Variants in SPOCK1 observed in about 807,000 individuals in gnomAD.
SPOCK1 encodes the protein SPARC (osteonectin), cwcv and kazal like domains proteoglycan 1.
Under a neutral mutation model 55.3 loss-of-function variants are expected in SPOCK1, and 23 were observed. That is an observed-to-expected ratio of 0.42 (90% CI 0.30 to 0.59). The LOEUF is 0.59. Among genes scored for constraint, SPOCK1 ranks in the 20% least tolerant of loss-of-function variants. The probability of loss-of-function intolerance (pLI) is 0.22; values close to 1 mark genes in which losing one functional copy is unlikely to be tolerated. For missense variants in SPOCK1, 499 were observed against 552.5 expected, an observed-to-expected ratio of 0.90 and a Z score of 0.97; for synonymous variants, 226 against 221.0, an observed-to-expected ratio of 1.02 and a Z score of -0.20.
intron 6 of SPOCK1, among the ~76,000 whole-genome samples, chr5:137,010,090 T>G (rs892232565): frequency 6.6e-6 from 1 of 152,080 alleles, no homozygotes; most frequent in African/African-American, 2.4e-5. Context: ...GCCCTATTCA[T>G]GCAGTTCTAC....
chr5:137,253,937 A>T (rs919339735), intron 3 of SPOCK1, among the ~76,000 whole-genome samples: 1 of 152,218 alleles, frequency 6.6e-6, no homozygotes, highest in Non-Finnish European at 1.5e-5. Context: ...CCTGCTTTTA[A>T]AACTATTCAT....
Position 137,050,565 on chromosome 5 carries a change from G to A in SPOCK1, c.589+17150C>T, listed in dbSNP as rs540538475. Among the ~76,000 whole-genome samples, 241 of 151,506 alleles carry A rather than the reference G, an allele frequency of 1.6e-3. 2 individuals are homozygous for A. Among genetic ancestry groups the A allele is most frequent in the African/African-American group, 5.4e-3 (223 of 41,368 alleles). Reference sequence around the variant, plus strand: ...TGGCACTCCCTAGTGAGATGAACCCGGTACCTCAGATGGAAATGCAGAAAT... The same window carrying A: ...TGGCACTCCCTAGTGAGATGAACCCAGTACCTCAGATGGAAATGCAGAAAT... On this transcript the variant is annotated intron_variant, in intron 6 of 10. Coordinates refer to ENST00000394945, the MANE Select transcript of SPOCK1 (RefSeq NM_004598.4).
chr5:137,291,747 C>T (rs1011328537), intron 2 of SPOCK1, among the ~76,000 whole-genome samples: 5 of 152,208 alleles, frequency 3.3e-5, no homozygotes, highest in African/African-American at 1.2e-4. Context: ...ATCTGTCCCA[C>T]AGGCTTCCCC....
At chr5:136,981,544 G>A (rs1750730279) in intron 9 of SPOCK1, among the ~76,000 whole-genome samples, 1 of 152,068 alleles carries the variant, frequency 6.6e-6, no homozygotes, top group Non-Finnish European at 1.5e-5. Flanking sequence ...TAGATATTTT[G>A]TAGATTTTTC....
chr5:137,117,300 T>C (rs1753606822), intron 4 of SPOCK1, among the ~76,000 whole-genome samples: 1 of 152,262 alleles, frequency 6.6e-6, no homozygotes, highest in Non-Finnish European at 1.5e-5. Flanking sequence ...GTCTATTCCT[T>C]GTTCAAGCTT....
In SPOCK1 at chr5:136,985,145, A is replaced by G. The variant is rs907671863; in HGVS notation, c.986T>C (p.Leu329Pro). 3.1e-6 allele frequency: 5 copies of G among 1,614,162 alleles called. No individual in the cohort carries two copies. Among genetic ancestry groups the G allele is most frequent in the Non-Finnish European group, 4.2e-6 (5 of 1,179,976 alleles). ...TGGCAAGAAATTGTACTTACCCAAC[A>G]GGCTTTTCCCCTTACTCAGCTTCTG... ...RIQKLSKGKS[L>P]LGAFIPRCNE... The change falls in exon 9 of 11, where the codon CTG becomes CCG. Residue 329 changes from leucine (L) to proline (P), a missense_variant. By Grantham distance (98) the Leu-to-Pro change is moderately conservative (BLOSUM62 -3). Coordinates refer to ENST00000394945, the MANE Select transcript of SPOCK1 (RefSeq NM_004598.4).
In SPOCK1 at chr5:137,085,643, G is replaced by T. The variant is rs1166804069; in HGVS notation, c.475-17814C>A. The stretch of plus-strand genomic sequence containing the variant: ...ACACCCATAACAAAGGAAAAGCCCA[G>T]CTCCACTCCCGGTCAGTCATTCCTG... On this transcript the variant is annotated intron_variant, in intron 5 of 10. Coordinates refer to ENST00000394945, the MANE Select transcript of SPOCK1 (RefSeq NM_004598.4). Among the ~76,000 whole-genome samples, 5 of 152,328 alleles carry T rather than the reference G, an allele frequency of 3.3e-5. No individual in the cohort carries two copies. The East Asian group carries it at 9.6e-4, about 29-fold the overall frequency.
intron 5 of SPOCK1, among the ~76,000 whole-genome samples, chr5:137,105,049 C>T (rs1022217758): frequency 6.6e-6 from 1 of 152,208 alleles, no homozygotes; most frequent in Middle Eastern, 3.4e-3. Context: ...ACTCTTTTCC[C>T]CACTACCATC....
intron 6 of SPOCK1, among the ~76,000 whole-genome samples, chr5:137,018,852 G>A (rs1751504346): frequency 6.6e-6 from 1 of 151,966 alleles, no homozygotes. Flanking sequence ...AAACAGTTTG[G>A]AAAAAGGCAG....
intron 4 of SPOCK1, among the ~76,000 whole-genome samples, chr5:137,114,582 G>A (rs147979569): frequency 6.6e-6 from 1 of 152,056 alleles, no homozygotes; most frequent in African/African-American, 2.4e-5. Flanking sequence ...TCAAACATAC[G>A]GTACTCTTTC....
chr5:137,263,530 T>G (rs1370985424), intron 3 of SPOCK1, among the ~76,000 whole-genome samples: 1 of 152,160 alleles, frequency 6.6e-6, no homozygotes, highest in East Asian at 1.9e-4. Flanking sequence ...GGCCTTCATT[T>G]CTCCTGACTA....
chr5:137,384,576 A>ATATATATATATATGTATG lies in SPOCK1; in HGVS notation c.186+113796_186+113797insCATACATATATATATATA, dbSNP rs747142799. ...TATACATACATACATATATATATAT[A>ATATATATATATATGTATG]TATGTATGTATTTTTTTTTCCCCCT... On this transcript the variant is annotated intron_variant, in intron 2 of 10. Transcript: ENST00000394945. Among the ~76,000 whole-genome samples, 16 of 140,278 alleles carry ATATATATATATATGTATG rather than the reference A, an allele frequency of 1.1e-4. No homozygotes were observed. In the East Asian group the frequency reaches 2.8e-3, roughly 25 times the overall value. 92.0% of individuals were successfully genotyped at this position (140,278 alleles called of 152,430 possible).
intron 6 of SPOCK1, among the ~76,000 whole-genome samples, chr5:137,019,781 G>A (rs1383418815): frequency 6.6e-6 from 1 of 151,970 alleles, no homozygotes; most frequent in Non-Finnish European, 1.5e-5. Flanking sequence ...GACTTCTGAA[G>A]TGCAAAAAGG....
At chr5:137,303,025 G>C (rs1267627503) in intron 2 of SPOCK1, among the ~76,000 whole-genome samples, 2 of 152,178 alleles carry the variant, frequency 1.3e-5, no homozygotes, top group Non-Finnish European at 2.9e-5. Context: ...AACCAGCTCA[G>C]AGAGGTTTAG....
chr5:137,209,288 T>C (rs184341087), intron 3 of SPOCK1, among the ~76,000 whole-genome samples: 47 of 152,306 alleles, frequency 3.1e-4, no homozygotes, highest in African/African-American at 1.0e-3. Flanking sequence ...ATATTTTCTG[T>C]TGGGTAATTC....
intron 2 of SPOCK1, among the ~76,000 whole-genome samples, chr5:137,360,299 T>A (rs1750913037): frequency 1.3e-5 from 2 of 152,138 alleles, no homozygotes; most frequent in Admixed American, 1.3e-4. Flanking sequence ...CTTGCTAAAA[T>A]GTTGTGTCAC....
chr5:137,482,853 C>T (rs1051966226), intron 2 of SPOCK1, among the ~76,000 whole-genome samples: 2 of 152,224 alleles, frequency 1.3e-5, no homozygotes, highest in Admixed American at 6.5e-5. Context: ...CATTTTCCTA[C>T]TCCTCAGGGT....
At chr5:137,079,027 C>G (rs973568056) in intron 5 of SPOCK1, among the ~76,000 whole-genome samples, 1 of 152,206 alleles carries the variant, frequency 6.6e-6, no homozygotes, top group African/African-American at 2.4e-5. Context: ...TTGCAGACCA[C>G]GCTTACTCCC....
chr5:137,467,048 C>T (rs1032018131), intron 2 of SPOCK1, among the ~76,000 whole-genome samples: 1 of 152,340 alleles, frequency 6.6e-6, no homozygotes. Flanking sequence ...CTCAGCTCCT[C>T]GCTGGCTGGC....
Sources: gnomAD v4.1 joint callset for allele counts (sites outside exome capture counted in the v4.1 genomes callset) on GRCh38, gnomAD v4.1.1 for gene constraint, MANE v1.5 for transcripts, NCBI Gene and HGNC (gene_info 2026-07-23, HGNC 2026-07-21) for gene names.